The following CSMD2 variants were observed in gnomAD, a reference collection of about 807,000 sequenced individuals.
CSMD2 encodes CUB and Sushi multiple domains 2.
A neutral mutation model predicts 398.5 loss-of-function variants in CSMD2; 130 were observed. That is an observed-to-expected ratio of 0.33 (90% confidence interval 0.28 to 0.38). CSMD2 has a LOEUF of 0.38. CSMD2 is among the 10% of genes least tolerant of loss of function. CSMD2 has a pLI of 1.00. For missense variants in CSMD2, 3,829 were observed against 4,764.9 expected (o/e 0.80, Z 5.78); for synonymous variants, 1,828 against 1,908.5 (o/e 0.96, Z 1.10).
At chr1:33,840,001 G>A (rs75848501) in intron 6 of CSMD2, 4 of 152,152 alleles carry the variant, frequency 2.6e-5, no homozygotes, top group African/African-American at 7.2e-5. Flanking sequence ...CTCAACTAAG[G>A]TTGTAAAAAG....
At position 33,864,538 on chromosome 1, in the gene CSMD2, C is replaced by T. The variant is rs751842838; in HGVS notation, c.921-17542G>A. ...TATGCTCAGCTGAAGAGGGAGAACC[C>T]GAACTGGTCGGTGGTGCAGGTGGCC... On this transcript the variant is annotated intron_variant, in intron 5 of 70. Transcript: ENST00000373381. 1.9e-5 allele frequency: 30 copies of T among 1,613,938 alleles called. No individual in the cohort carries two copies. Among genetic ancestry groups the T allele is most frequent in the Non-Finnish European group, 2.3e-5 (27 of 1,180,010 alleles).
At chr1:33,739,054 G>C (rs1646971677) in intron 15 of CSMD2, 86 bp downstream of exon 15, 2 of 1,344,194 alleles carry the variant, frequency 1.5e-6, no homozygotes, top group Non-Finnish European at 2.0e-6. Flanking sequence ...ACGCAGAAAG[G>C]AACCACCATG....
chr1:34,148,659 A>G (rs182550329), intron 1 of CSMD2, among the ~76,000 whole-genome samples: 7 of 152,364 alleles, frequency 4.6e-5, no homozygotes, highest in African/African-American at 7.2e-5. Context: ...GCTCTGAGCC[A>G]GGCACTCTGC....
At chr1:33,771,494 C>G (rs1398981930) in intron 13 of CSMD2, among the ~76,000 whole-genome samples, 1 of 152,064 alleles carries the variant, frequency 6.6e-6, no homozygotes, top group African/African-American at 2.4e-5. Context: ...CCTCTCAAGA[C>G]TTTTTACATA....
At chr1:33,808,298 C>A (rs1656458207) in intron 10 of CSMD2, among the ~76,000 whole-genome samples, 1 of 151,130 alleles carries the variant, frequency 6.6e-6, no homozygotes, top group Non-Finnish European at 1.5e-5. Context: ...TATTAGAAAA[C>A]AAAAACTGCA....
intron 9 of CSMD2, 124 bp downstream of exon 9, chr1:33,819,589 G>A (rs761793681): frequency 3.4e-5 from 26 of 772,716 alleles, no homozygotes; most frequent in Non-Finnish European, 5.1e-5. Context: ...ATAAGTGCAG[G>A]GAGTGAGGGG....
chr1:33,971,590 C>T (rs1248329208), intron 3 of CSMD2, among the ~76,000 whole-genome samples: 3 of 152,220 alleles, frequency 2.0e-5, no homozygotes, highest in Non-Finnish European at 2.9e-5. Flanking sequence ...GGAGTCACAT[C>T]CTCGTGAAAG....
rs115108130 is a variant in CSMD2 at position 33,876,480 on chromosome 1, C to T, written c.921-29484G>A. 2.7e-3 allele frequency among the ~76,000 whole-genome samples: 414 copies of T among 152,300 alleles called. 1 individual carries two copies. The highest frequency in any genetic ancestry group is 9.4e-3 in the African/African-American group (390 of 41,562). On this transcript the variant is annotated intron_variant, in intron 5 of 70. Transcript: ENST00000373381. ...GAGAAGACATGGCATAAAGAACTTACGTACCACTTGGGACACAGATGCTGC... is the reference window on the plus strand; with the variant it reads ...GAGAAGACATGGCATAAAGAACTTATGTACCACTTGGGACACAGATGCTGC...
chr1:34,055,665 T>A (rs1056667605), intron 2 of CSMD2, among the ~76,000 whole-genome samples: 2 of 152,092 alleles, frequency 1.3e-5, no homozygotes, highest in South Asian at 2.1e-4. Context: ...AGGCATGGAG[T>A]TTCCACATCC....
intron 49 of CSMD2, among the ~76,000 whole-genome samples, chr1:33,576,326 C>A (rs1433015169): frequency 6.6e-6 from 1 of 152,132 alleles, no homozygotes; most frequent in Non-Finnish European, 1.5e-5. Context: ...CGCGGTGGCT[C>A]ACACCTGTAA....
At position 33,796,978 on chromosome 1, in the gene CSMD2, G is replaced by A. The variant is rs571338861; in HGVS notation, c.1447-4452C>T. On this transcript the variant is annotated intron_variant, in intron 10 of 70. Coordinates refer to ENST00000373381, the MANE Select transcript of CSMD2 (RefSeq NM_001281956.2). The stretch of plus-strand genomic sequence containing the variant: ...GTACCCTCAGGCTTATTAGGGTGGC[G>A]AAAAAAACCCACCCTGGTAAATCTG... Among the ~76,000 whole-genome samples, 30 of 152,136 alleles carry A rather than the reference G, an allele frequency of 2.0e-4. No homozygotes were observed. In the East Asian group the frequency reaches 3.5e-3, roughly 18 times the overall value.
At chr1:33,922,357 A>T (rs1463326757) in intron 4 of CSMD2, among the ~76,000 whole-genome samples, 1 of 152,082 alleles carries the variant, frequency 6.6e-6, no homozygotes, top group Non-Finnish European at 1.5e-5. Context: ...CCAAAGAGAA[A>T]CATTAGAGGG....
At chr1:33,738,303 G>A (rs530098925) in intron 15 of CSMD2, among the ~76,000 whole-genome samples, 1 of 152,072 alleles carries the variant, frequency 6.6e-6, no homozygotes, top group East Asian at 1.9e-4. Context: ...TTCCCCAAGG[G>A]GCCCTTGGGA....
chr1:33,599,472 T>C (rs1640066249), intron 44 of CSMD2: 1 of 152,262 alleles, frequency 6.6e-6, no homozygotes, highest in Non-Finnish European at 1.5e-5. Flanking sequence ...CATTTAACTT[T>C]AGGAGGTTAG....
chr1:34,165,833 C>T (rs890556157), upstream of CSMD2: 5 of 1,609,248 alleles, frequency 3.1e-6, no homozygotes, highest in African/African-American at 6.7e-5. Flanking sequence ...CCTCCTACCC[C>T]ATCCCAGGAG....
chr1:33,711,946 G>A (rs890132865), intron 21 of CSMD2, among the ~76,000 whole-genome samples: 5 of 152,314 alleles, frequency 3.3e-5, no homozygotes, highest in Admixed American at 2.6e-4. Flanking sequence ...GAGGGACGGG[G>A]CACTTGCTTC....
At chr1:33,996,164 A>G (rs1308829366) in intron 3 of CSMD2, among the ~76,000 whole-genome samples, 3 of 152,270 alleles carry the variant, frequency 2.0e-5, no homozygotes, top group Admixed American at 6.5e-5. Flanking sequence ...TGGCCAATAA[A>G]CATGAAAAGA....
At chr1:33,621,911 T>C (rs192748620) in intron 37 of CSMD2, among the ~76,000 whole-genome samples, 26 of 152,326 alleles carry the variant, frequency 1.7e-4, no homozygotes, top group East Asian at 1.5e-3. Context: ...CCTTGGCCAA[T>C]GCAAGTCCCC....
intron 57 of CSMD2, among the ~76,000 whole-genome samples, chr1:33,544,374 C>T (rs1279718304): frequency 4.0e-5 from 6 of 151,846 alleles, no homozygotes; most frequent in Non-Finnish European, 7.4e-5. Context: ...GCCTCGGCCT[C>T]CCAAAGTGCT....
Sources: gnomAD v4.1 joint callset for allele counts (sites outside exome capture counted in the v4.1 genomes callset) on GRCh38, gnomAD v4.1.1 for gene constraint, MANE v1.5 for transcripts, NCBI Gene and HGNC (gene_info 2026-07-23, HGNC 2026-07-21) for gene names.